OLFM2: variants seen among roughly 807,000 people sequenced by gnomAD.
OLFM2 encodes olfactomedin 2, also known as noelin-2.
A neutral mutation model predicts 43.9 loss-of-function variants in OLFM2; 20 were observed. That is an observed-to-expected ratio of 0.46 (90% CI 0.32 to 0.66). The LOEUF (loss-of-function observed/expected upper bound fraction) is 0.66. Ranked by LOEUF, OLFM2 falls within the 30% of genes least tolerant of loss-of-function variation. The probability of loss-of-function intolerance (pLI) is 0.04; values close to 1 mark genes in which losing one functional copy is unlikely to be tolerated. For synonymous variants in OLFM2, 268 were observed against 278.6 expected, an observed-to-expected ratio of 0.96 and a Z score of 0.38; for missense variants, 416 against 643.6, an observed-to-expected ratio of 0.65 and a Z score of 3.83.
At chr19:9,906,269 C>A (rs1169085450) in intron 1 of OLFM2, among the ~76,000 whole-genome samples, 1 of 152,036 alleles carries the variant, frequency 6.6e-6, no homozygotes, top group African/African-American at 2.4e-5. Context: ...CACTCATTGG[C>A]TGGTTCCCTC....
chr19:9,919,013 C>G (rs1410478280), intron 1 of OLFM2, among the ~76,000 whole-genome samples: 1 of 152,178 alleles, frequency 6.6e-6, no homozygotes, highest in East Asian at 1.9e-4. Flanking sequence ...ATTTTATGCT[C>G]TGTAAATTAT....
At chr19:9,876,521 T>G (rs188842241) in intron 1 of OLFM2, among the ~76,000 whole-genome samples, 1 of 152,174 alleles carries the variant, frequency 6.6e-6, no homozygotes, top group African/African-American at 2.4e-5. Flanking sequence ...TAGGTCCCCA[T>G]GCGCCCCTGC....
chr19:9,904,077 G>A (rs1340416030), intron 1 of OLFM2, among the ~76,000 whole-genome samples: 2 of 151,910 alleles, frequency 1.3e-5, no homozygotes, highest in Admixed American at 6.6e-5. Flanking sequence ...TACACTGAGG[G>A]TTGCATCATC....
chr19:9,921,202 A>T (rs1265600877), intron 1 of OLFM2, among the ~76,000 whole-genome samples: 1 of 151,718 alleles, frequency 6.6e-6, no homozygotes, highest in Admixed American at 6.6e-5. Flanking sequence ...CTGTAGCCTC[A>T]ACCTCCCTGG....
intron 1 of OLFM2, among the ~76,000 whole-genome samples, chr19:9,865,037 C>A (rs1235064385): frequency 6.6e-6 from 1 of 151,960 alleles, no homozygotes; most frequent in Non-Finnish European, 1.5e-5. Context: ...GCACTTAAAT[C>A]CTCCCTGAAA....
intron 1 of OLFM2, among the ~76,000 whole-genome samples, chr19:9,921,869 G>A (rs1030448341): frequency 3.3e-5 from 5 of 152,124 alleles, no homozygotes; most frequent in Non-Finnish European, 7.4e-5. Context: ...CGGGGCGGGA[G>A]GATGGTTTGA....
At chr19:9,931,216 G>A (rs1210882446) in intron 1 of OLFM2, among the ~76,000 whole-genome samples, 1 of 152,184 alleles carries the variant, frequency 6.6e-6, no homozygotes, top group African/African-American at 2.4e-5. Flanking sequence ...CCCTATCGGT[G>A]GAATGTCAGG....
intron 1 of OLFM2, among the ~76,000 whole-genome samples, chr19:9,878,920 C>T (rs2046515297): frequency 2.6e-5 from 4 of 152,120 alleles, no homozygotes; most frequent in Admixed American, 2.0e-4. Context: ...AGTCATGGCT[C>T]ACTGCAGCCT....
intron 1 of OLFM2, among the ~76,000 whole-genome samples, chr19:9,919,174 C>CT (rs201501920): frequency 2.4e-5 from 3 of 123,120 alleles, no homozygotes; most frequent in African/African-American, 6.1e-5. Context: ...TCATTTCTCT[C>CT]TCTTTTTTTT....
intron 1 of OLFM2, among the ~76,000 whole-genome samples, chr19:9,930,410 G>C (rs1271900755): frequency 6.6e-6 from 1 of 151,916 alleles, no homozygotes; most frequent in Non-Finnish European, 1.5e-5. Flanking sequence ...TTGTACTATA[G>C]CTGAACTCTG....
intron 1 of OLFM2, among the ~76,000 whole-genome samples, chr19:9,878,896 G>A (rs1368043008): frequency 6.6e-6 from 1 of 152,106 alleles, no homozygotes; most frequent in African/African-American, 2.4e-5. Flanking sequence ...GCCCAGGCTG[G>A]AGCACAGTGG....
At chr19:9,906,076 GAC>G (rs2046783740) in intron 1 of OLFM2, among the ~76,000 whole-genome samples, 1 of 152,144 alleles carries the variant, frequency 6.6e-6, no homozygotes, top group South Asian at 2.1e-4. Flanking sequence ...GACACGCTCT[GAC>G]ACACAGGGGC....
chr19:9,886,596 C>T (rs956505323), intron 1 of OLFM2, among the ~76,000 whole-genome samples: 18 of 152,102 alleles, frequency 1.2e-4, no homozygotes, highest in African/African-American at 3.9e-4. Flanking sequence ...TGCACAACCC[C>T]GAAAGCAGCC....
At chr19:9,874,470 A>G (rs1241083853) in intron 1 of OLFM2, among the ~76,000 whole-genome samples, 4 of 150,722 alleles carry the variant, frequency 2.7e-5, no homozygotes, top group Non-Finnish European at 1.5e-5. Context: ...CCCAGCCACC[A>G]CCGGCTTTTA....
At chr19:9,868,170 CT>C (rs2046417128) in intron 1 of OLFM2, among the ~76,000 whole-genome samples, 1 of 152,012 alleles carries the variant, frequency 6.6e-6, no homozygotes, top group Non-Finnish European at 1.5e-5. Context: ...TCAAGTGATT[CT>C]CCTGCCTCAG....
chr19:9,856,957 G>T lies in OLFM2; in HGVS notation c.581-44C>A. The T allele has an allele frequency of 1.4e-6, 2 of 1,450,612 alleles. No individual in the cohort carries two copies. The highest frequency in any genetic ancestry group is 1.9e-6 in the Non-Finnish European group (2 of 1,049,256). The allele number at this position is 1,450,612 out of a possible 1,614,324, so 89.9% of individuals were successfully genotyped here. A position where few individuals can be genotyped will look rare whatever the true frequency, so the allele number is the denominator to read the frequency against. On this transcript the variant is annotated intron_variant, in intron 4 of 5. Transcript: ENST00000264833. The surrounding 1 kb of genome is among the most constrained non-coding windows in gnomAD (Gnocchi z 4.0). ...GGGAATGAGGATGGGGAAATGAACA[G>T]CCCAAGAGAGGCCAGGCAAAGATGA...
intron 1 of OLFM2, among the ~76,000 whole-genome samples, chr19:9,894,010 G>A (rs780939148): frequency 6.6e-6 from 1 of 152,052 alleles, no homozygotes; most frequent in Non-Finnish European, 1.5e-5. Flanking sequence ...GGGTTTTCTT[G>A]GTCGGGCATG....
rs1243191848 is a variant in OLFM2, at chr19:9,859,697, T to C, written c.213+948A>G. Among the ~76,000 whole-genome samples, 4 of 152,278 alleles carry C rather than the reference T, an allele frequency of 2.6e-5. No homozygotes were observed. In the East Asian group the frequency reaches 7.7e-4, roughly 29 times the overall value. ...CCTCCCCAAGGGGCACAGAACTCCT[T>C]CTTAGTAGGTGAGTCTGGTGAACTG... On this transcript the variant is annotated intron_variant, in intron 2 of 5. Transcript: ENST00000264833.
chr19:9,910,708 T>C (rs1219425037), intron 1 of OLFM2, among the ~76,000 whole-genome samples: 2 of 151,918 alleles, frequency 1.3e-5, no homozygotes, highest in African/African-American at 4.8e-5. Context: ...GGTGAATGCA[T>C]GGATAGAGAT....
Sources: gnomAD v4.1 joint callset for allele counts (sites outside exome capture counted in the v4.1 genomes callset) on GRCh38, gnomAD v4.1.1 for gene constraint, Gnocchi (gnomAD v3.1) non-coding constraint, MANE v1.5 for transcripts, NCBI Gene and HGNC (gene_info 2026-07-23, HGNC 2026-07-21) for gene names.